The following GPD2 variants were observed in gnomAD, a reference collection of about 807,000 sequenced individuals.
GPD2 encodes the protein glycerol-3-phosphate dehydrogenase 2.
Under a neutral mutation model 82.4 loss-of-function variants are expected in GPD2, and 54 were observed. The ratio of observed to expected loss-of-function variants is 0.66; its 90% CI spans 0.53 to 0.82. The LOEUF is 0.82. Among genes scored for constraint, GPD2 ranks in the 40% least tolerant of loss-of-function variants. The probability of loss-of-function intolerance (pLI) is 0.00; values close to 1 mark genes in which losing one functional copy is unlikely to be tolerated. For missense variants in GPD2, 748 were observed against 896.2 expected (o/e 0.83, Z 2.11); for synonymous variants, 288 against 306.1 (o/e 0.94, Z 0.62).
intron 6 of GPD2, among the ~76,000 whole-genome samples, chr2:156,538,477 TAAAAAAAA>T (rs35817705): frequency 7.0e-5 from 10 of 143,812 alleles, no homozygotes; most frequent in Non-Finnish European, 1.2e-4. Context: ...AGATTGCTGT[TAAAAAAAA>T]AAAAAAATCC....
intron 2 of GPD2, among the ~76,000 whole-genome samples, chr2:156,494,147 G>A (rs1684285934): frequency 6.6e-6 from 1 of 152,112 alleles, no homozygotes; most frequent in African/African-American, 2.4e-5. Flanking sequence ...TTGTGGTTTG[G>A]TGTCAGAATT....
chr2:156,534,722 G>A (rs200638875), intron 6 of GPD2, among the ~76,000 whole-genome samples: 1 of 151,808 alleles, frequency 6.6e-6, no homozygotes, highest in Non-Finnish European at 1.5e-5. Context: ...ATTTATTTAT[G>A]TATCCAGTAA....
At chr2:156,409,889 C>T in the GPD2 span, among the ~76,000 whole-genome samples, 29,789 of 151,886 alleles carry the variant, frequency 0.2, 3,306 homozygotes, top group Non-Finnish European at 0.24. Context: ...AGGAGTTTGA[C>T]ACCAGCCTGG....
chr2:156,474,045 T>C (rs1364451452), intron 1 of GPD2, among the ~76,000 whole-genome samples: 1 of 152,208 alleles, frequency 6.6e-6, no homozygotes, highest in Non-Finnish European at 1.5e-5. Context: ...TTAAAATTTT[T>C]TTTAGAGACA....
intron 2 of GPD2, among the ~76,000 whole-genome samples, chr2:156,477,932 A>G (rs904170002): frequency 1.3e-5 from 2 of 152,178 alleles, no homozygotes; most frequent in African/African-American, 4.8e-5. Flanking sequence ...TACTGGTGCT[A>G]TCTGAAATGA....
intron 6 of GPD2, among the ~76,000 whole-genome samples, chr2:156,534,093 C>T (rs1685969563): frequency 6.6e-6 from 1 of 152,134 alleles, no homozygotes; most frequent in Admixed American, 6.5e-5. Flanking sequence ...GTCTTATTTC[C>T]AGGTGGAGGT....
At chr2:156,553,142 C>T (rs1334141940) in intron 8 of GPD2, among the ~76,000 whole-genome samples, 1 of 151,994 alleles carries the variant, frequency 6.6e-6, no homozygotes, top group Non-Finnish European at 1.5e-5. Flanking sequence ...GCCCGCCTCG[C>T]CTCCCAAAGT....
chr2:156,551,375 T>C (rs541348236), intron 8 of GPD2, among the ~76,000 whole-genome samples: 1 of 152,284 alleles, frequency 6.6e-6, no homozygotes, highest in Admixed American at 6.5e-5. Context: ...TTTTTATATA[T>C]GTTTGAAATT....
At chr2:156,514,129 CTTTTTT>C (rs5835618) in intron 6 of GPD2, among the ~76,000 whole-genome samples, 7 of 141,740 alleles carry the variant, frequency 4.9e-5, no homozygotes, top group Admixed American at 2.1e-4. Flanking sequence ...AATGTTCATT[CTTTTTT>C]TTTTTTTTTG....
chr2:156,579,129 T>A lies in GPD2; in HGVS notation c.1924T>A (p.Phe642Ile). ...FHKFDADQKG[F>I]ITIVDVQRVL... The stretch of plus-strand genomic sequence containing the variant: ...TAAGTTTGATGCAGACCAGAAAGGC[T>A]TTATTACCATTGTTGATGTTCAGCG... The change falls in exon 15 of 17, where the codon TTT (phenylalanine) becomes ATT (isoleucine). Residue 642 changes from phenylalanine (F) to isoleucine (I), a missense_variant. Physicochemically the swap from Phe to Ile is conservative, Grantham distance 21. Transcript: ENST00000438166. 1 of 1,607,884 alleles carries A rather than the reference T, an allele frequency of 6.2e-7. No individual in the cohort carries two copies.
chr2:156,452,579 G>A (rs1037440450), intron 1 of GPD2, among the ~76,000 whole-genome samples: 2 of 152,112 alleles, frequency 1.3e-5, no homozygotes, highest in Non-Finnish European at 2.9e-5. Context: ...GAGGGGAGAG[G>A]GAGAACTCTT....
intron 1 of GPD2, among the ~76,000 whole-genome samples, chr2:156,463,773 C>A (rs1046785240): frequency 3.3e-5 from 5 of 151,860 alleles, no homozygotes; most frequent in African/African-American, 1.2e-4. Flanking sequence ...CTATAGAGTT[C>A]TTTTTTGAAA....
At chr2:156,498,562 A>G (rs1684470808) in intron 3 of GPD2, among the ~76,000 whole-genome samples, 1 of 152,170 alleles carries the variant, frequency 6.6e-6, no homozygotes, top group African/African-American at 2.4e-5. Context: ...GAGGCTATAT[A>G]TGAGAGAACA....
chr2:156,501,463 C>T (rs555342978), intron 3 of GPD2, among the ~76,000 whole-genome samples: 1 of 152,158 alleles, frequency 6.6e-6, no homozygotes, highest in Non-Finnish European at 1.5e-5. Flanking sequence ...TTACAGAGAG[C>T]CTTAAGTTTC....
At chr2:156,450,054 A>G (rs1469688193) in intron 1 of GPD2, among the ~76,000 whole-genome samples, 1 of 152,078 alleles carries the variant, frequency 6.6e-6, no homozygotes, top group Non-Finnish European at 1.5e-5. Context: ...TTCAGGATAT[A>G]TTTTTGAGAT....
intron 6 of GPD2, among the ~76,000 whole-genome samples, chr2:156,530,387 T>C (rs1374149674): frequency 1.3e-5 from 2 of 149,492 alleles, no homozygotes; most frequent in African/African-American, 2.5e-5. Flanking sequence ...CAGGGACAAT[T>C]TGACTTCCTC....
chr2:156,529,467 C>G (rs1218086904), intron 6 of GPD2, among the ~76,000 whole-genome samples: 4 of 146,518 alleles, frequency 2.7e-5, no homozygotes, highest in Non-Finnish European at 6.1e-5. Flanking sequence ...TCAATTTTGT[C>G]TTTTGTTGCC....
intron 2 of GPD2, among the ~76,000 whole-genome samples, chr2:156,485,749 G>A (rs1449440011): frequency 6.6e-6 from 1 of 152,174 alleles, no homozygotes; most frequent in Non-Finnish European, 1.5e-5. Context: ...TGCTATAGGG[G>A]TCTCACCCTA....
chr2:156,454,126 G>T (rs966090457), intron 1 of GPD2, among the ~76,000 whole-genome samples: 1 of 152,156 alleles, frequency 6.6e-6, no homozygotes, highest in Admixed American at 6.5e-5. Context: ...TAGGTTAGGG[G>T]ATCTTGGGGT....
Sources: gnomAD v4.1 joint callset for allele counts (sites outside exome capture counted in the v4.1 genomes callset) on GRCh38, gnomAD v4.1.1 for gene constraint, MANE v1.5 for transcripts, NCBI Gene and HGNC (gene_info 2026-07-23, HGNC 2026-07-21) for gene names.